KRAS: variants seen among roughly 807,000 people sequenced by gnomAD.
The protein encoded by KRAS is KRas proto-oncogene, GTPase.
In KRAS, 1 loss-of-function variant was observed where a neutral mutation model predicts 21.0. The observed-to-expected ratio is 0.05, with a 90% CI of 0.02 to 0.23. KRAS has a LOEUF of 0.23. Ranked by LOEUF, KRAS falls within the 10% of genes least tolerant of loss-of-function variation. The pLI is 1.00. For synonymous variants in KRAS, 67 were observed against 72.5 expected, an observed-to-expected ratio of 0.92 and a Z score of 0.39; for missense variants, 107 against 221.8, an observed-to-expected ratio of 0.48 and a Z score of 3.29.
At chr12:25,231,092 C>CTTTTTTTTT (rs34361223) in intron 2 of KRAS, among the ~76,000 whole-genome samples, 1 of 66,368 alleles carries the variant, frequency 1.5e-5, no homozygotes, top group Non-Finnish European at 2.8e-5. Context: ...ACCTCACATT[C>CTTTTTTTTT]TTTTTTTTTT....
intron 2 of KRAS, among the ~76,000 whole-genome samples, chr12:25,232,495 A>G (rs1951486890): frequency 6.6e-6 from 1 of 152,194 alleles, no homozygotes; most frequent in Non-Finnish European, 1.5e-5. Flanking sequence ...ATGAAAACCC[A>G]TCTGATTTTA....
intron 4 of KRAS, among the ~76,000 whole-genome samples, chr12:25,220,077 C>T (rs560730988): frequency 6.6e-6 from 1 of 152,232 alleles, no homozygotes; most frequent in Non-Finnish European, 1.5e-5. Context: ...AACTCTGCTT[C>T]TGTTATTCAC....
At chr12:25,234,708 T>A (rs1277784815) in intron 2 of KRAS, 4 of 188,752 alleles carry the variant, frequency 2.1e-5, no homozygotes, top group Non-Finnish European at 4.5e-5. Flanking sequence ...GCTAACTCAT[T>A]CAAGATAAGA....
intron 4 of KRAS, among the ~76,000 whole-genome samples, chr12:25,215,737 G>A (rs886686406): frequency 1.3e-5 from 2 of 151,762 alleles, no homozygotes; most frequent in Non-Finnish European, 2.9e-5. Context: ...CTAGAATCCT[G>A]GTTTGTTCTT....
intron 2 of KRAS, among the ~76,000 whole-genome samples, chr12:25,230,532 G>A (rs1023425743): frequency 6.6e-6 from 1 of 152,156 alleles, no homozygotes; most frequent in Non-Finnish European, 1.5e-5. Flanking sequence ...GGAGGCTGAG[G>A]CAGGAGAATC....
chr12:25,221,968 G>A (rs941326742), intron 4 of KRAS, among the ~76,000 whole-genome samples: 2 of 152,032 alleles, frequency 1.3e-5, no homozygotes, highest in African/African-American at 4.8e-5. Context: ...GGCTAACACA[G>A]TGAAACCCGT....
Position 25,207,515 on chromosome 12 carries a change from C to CAA in KRAS, c.*2278_*2279dup, listed in dbSNP as rs56128001. The CAA allele has an allele frequency of 0.024, 4,280 of 181,874 alleles. 8 individuals are homozygous for CAA. Among genetic ancestry groups the CAA allele is most frequent in the East Asian group, 0.05 (512 of 10,320 alleles). 11.3% of individuals were successfully genotyped at this position (181,874 alleles called of 1,614,324 possible). On this transcript the variant is annotated 3_prime_UTR_variant, in exon 5 of 5. Coordinates refer to ENST00000311936, the MANE Select transcript of KRAS (RefSeq NM_004985.5). Reference sequence around the variant, plus strand: ...GGTGACAAGAGCGAGACTCTGACACCAAAAAAAAAAAGTAAGCTTCATGAA... The same window carrying CAA: ...GGTGACAAGAGCGAGACTCTGACACCAAAAAAAAAAAAAGTAAGCTTCATGAA...
At position 25,250,881 on chromosome 12, in the gene KRAS, C is replaced by G. The variant is rs1182443433; in HGVS notation, c.-142G>C. 1.6e-5 allele frequency: 4 copies of G among 248,900 alleles called. No individual in the cohort carries two copies. Among genetic ancestry groups the G allele is most frequent in the Non-Finnish European group, 3.0e-5 (4 of 131,904 alleles). 15.4% of individuals were successfully genotyped at this position (248,900 alleles called of 1,614,324 possible). ...GCCGAGCCGCCGCCACCTTCGCCGC[C>G]GCCACTGCCGCCGCCGCTGCTGCCT... On this transcript the variant is annotated 5_prime_UTR_variant, in exon 1 of 5. Transcript: ENST00000311936.
intron 2 of KRAS, among the ~76,000 whole-genome samples, chr12:25,236,671 G>A (rs12318034): frequency 0.047 from 7,183 of 152,048 alleles, 530 homozygotes; most frequent in African/African-American, 0.16. Flanking sequence ...AGAGAGGGGA[G>A]CAGAGACTGG....
intron 1 of KRAS, among the ~76,000 whole-genome samples, chr12:25,248,688 G>A (rs748498065): frequency 6.6e-6 from 1 of 151,756 alleles, no homozygotes; most frequent in Non-Finnish European, 1.5e-5. Context: ...TTCCAAAGGA[G>A]TCTTACCAAA....
chr12:25,225,472 C>A, intron 4 of KRAS, 142 bp downstream of exon 4: 1 of 816,206 alleles, frequency 1.2e-6, no homozygotes, highest in Non-Finnish European at 2.0e-6. Context: ...AGAAGCAATG[C>A]CCTCTCAAGA....
At chr12:25,233,296 A>T (rs1341847755) in intron 2 of KRAS, among the ~76,000 whole-genome samples, 3 of 152,150 alleles carry the variant, frequency 2.0e-5, no homozygotes, top group Non-Finnish European at 4.4e-5. Flanking sequence ...GGCACCTATA[A>T]TCCCAACACC....
Position 25,227,294 on chromosome 12 carries a change from C to G in KRAS, c.230G>C (p.Gly77Ala), listed in dbSNP as rs756890312. The G allele has an allele frequency of 6.2e-7, 1 of 1,613,784 alleles. No homozygotes were observed. Among genetic ancestry groups the G allele is most frequent in the South Asian group, 1.1e-5 (1 of 91,078 alleles). Residue 77 changes from glycine to alanine, a missense_variant, in exon 3 of 5, where the codon GGC becomes GCC. Transcript: ENST00000311936. ...MRDQYMRTGEGFLCVFAINNT... is the reference protein window; with the variant it reads ...MRDQYMRTGEAFLCVFAINNT... ...ATTTATGGCAAATACACAAAGAAAG[C>G]CCTCCCCAGTCCTCATGTACTGGTC...
chr12:25,210,387 T>C (rs1038348312), intron 4 of KRAS, among the ~76,000 whole-genome samples: 4 of 152,162 alleles, frequency 2.6e-5, no homozygotes, highest in South Asian at 2.1e-4. Context: ...GTAAAATCCA[T>C]TGGATTTAAA....
chr12:25,248,848 G>A (rs1216523753), intron 1 of KRAS, among the ~76,000 whole-genome samples: 1 of 152,064 alleles, frequency 6.6e-6, no homozygotes, highest in African/African-American at 2.4e-5. Flanking sequence ...TCTCTTAAAA[G>A]CAAATATACT....
At chr12:25,239,275 T>G (rs1194090737) in intron 2 of KRAS, among the ~76,000 whole-genome samples, 1 of 152,210 alleles carries the variant, frequency 6.6e-6, no homozygotes, top group African/African-American at 2.4e-5. Context: ...TTCCTGTTAC[T>G]TGAACCAAAT....
At chr12:25,250,406 G>A (rs1951750248) in intron 1 of KRAS, among the ~76,000 whole-genome samples, 1 of 152,070 alleles carries the variant, frequency 6.6e-6, no homozygotes, top group Non-Finnish European at 1.5e-5. Context: ...CCGCTCCGAG[G>A]GGCAGCCGGC....
In KRAS at chr12:25,208,321, TC is replaced by T; in HGVS notation, c.*1473del. 1 of 233,196 alleles carries T rather than the reference TC, an allele frequency of 4.3e-6. No homozygotes were observed. The highest frequency in any genetic ancestry group is 8.5e-6 in the Non-Finnish European group (1 of 117,812). 14.4% of individuals were successfully genotyped at this position (233,196 alleles called of 1,614,324 possible). A position where few individuals can be genotyped will look rare whatever the true frequency, so the allele number is the denominator to read the frequency against. On this transcript the variant is annotated 3_prime_UTR_variant, in exon 5 of 5. Transcript: ENST00000311936. ...GTGATACTTTCACCTCACCATGCCA[TC>T]TCACTTCATTTATTTTAAAATAAGT...
chr12:25,236,573 A>G (rs4495968), intron 2 of KRAS, among the ~76,000 whole-genome samples: 143,482 of 151,752 alleles, frequency 0.95, 68,133 homozygotes, highest in East Asian at 1. Context: ...AATATCTAGT[A>G]TGGTTTCTGC....
Sources: allele counts gnomAD v4.1 joint callset (sites outside exome capture counted in the v4.1 genomes callset), GRCh38; gene constraint gnomAD v4.1.1; transcripts MANE v1.5; gene names NCBI Gene and HGNC (gene_info 2026-07-23, HGNC 2026-07-21).